DGKH: variants seen among roughly 807,000 people sequenced by gnomAD.
DGKH encodes the protein diacylglycerol kinase eta.
Under a neutral mutation model 159.3 loss-of-function variants are expected in DGKH, and 90 were observed. That is an observed-to-expected ratio of 0.57 (90% CI 0.48 to 0.67). The LOEUF is 0.67. Ranked by LOEUF, DGKH falls within the 30% of genes least tolerant of loss-of-function variation. DGKH has a pLI of 0.00. For synonymous variants in DGKH, 536 were observed against 553.8 expected (o/e 0.97, Z 0.45); for missense variants, 1,181 against 1,506.1 (o/e 0.78, Z 3.57).
upstream of DGKH, chr13:42,043,796 A>G (rs940468788): frequency 6.6e-6 from 1 of 152,094 alleles, no homozygotes; most frequent in African/African-American, 2.4e-5. Context: ...GGATAACATA[A>G]GGGCATGTAC....
rs1956322921 is a variant in DGKH at position 42,166,665 on chromosome 13, C to A, written c.1109C>A (p.Pro370His). 3 of 1,592,856 alleles carry A rather than the reference C, an allele frequency of 1.9e-6. No homozygotes were observed. The highest frequency in any genetic ancestry group is 2.3e-5 in the East Asian group (1 of 43,972). ...GTGTTTGATTTAATGAATGGAGGTC[C>A]TCATTTAGGGTAACTGATTATTGAT... ...AQVFDLMNGG[P>H]HLGLRLFQKF... The change falls in exon 9 of 30, where the codon CCT (proline) becomes CAT (histidine). Residue 370 changes from proline (P) to histidine (H), a missense_variant. Around this residue, in one of 5 missense-constraint regions of DGKH, gnomAD observed 369 missense variants for 519.4 expected, o/e 0.71. Coordinates refer to ENST00000337343, the MANE Select transcript of DGKH (RefSeq NM_178009.5).
At chr13:42,070,758 C>G in intron 1 of DGKH, 2 of 1,584,164 alleles carry the variant, frequency 1.3e-6, no homozygotes, top group South Asian at 2.3e-5. Flanking sequence ...ACAAGTCTGT[C>G]TTCATGTACT....
At chr13:42,120,978 C>T (rs1955057514) in intron 1 of DGKH, among the ~76,000 whole-genome samples, 1 of 151,876 alleles carries the variant, frequency 6.6e-6, no homozygotes, top group Non-Finnish European at 1.5e-5. Flanking sequence ...CAACCCACAA[C>T]TAGATTTTGT....
intron 1 of DGKH, among the ~76,000 whole-genome samples, chr13:42,126,587 T>C (rs1360751590): frequency 6.6e-6 from 1 of 152,234 alleles, no homozygotes; most frequent in Non-Finnish European, 1.5e-5. Context: ...AACCAGAGCC[T>C]GGCCCAGGGC....
chr13:42,141,076 C>T (rs1319236194), intron 3 of DGKH, among the ~76,000 whole-genome samples: 4 of 115,486 alleles, frequency 3.5e-5, no homozygotes, highest in Non-Finnish European at 7.1e-5. Flanking sequence ...CAACAGGCCC[C>T]AGTGCGTGAT....
chr13:42,069,685 G>A, intron 1 of DGKH: 3 of 1,183,504 alleles, frequency 2.5e-6, no homozygotes, highest in South Asian at 2.9e-5. Context: ...AATAAGCTTG[G>A]GTTCATAGTA....
intron 1 of DGKH, among the ~76,000 whole-genome samples, chr13:42,057,209 A>C: frequency 6.6e-6 from 1 of 152,176 alleles, no homozygotes; most frequent in East Asian, 1.9e-4. Context: ...TTGAAAGGTC[A>C]TGGTATAGTG....
At chr13:42,171,892 C>G (rs374630836) in intron 11 of DGKH, among the ~76,000 whole-genome samples, 2 of 141,536 alleles carry the variant, frequency 1.4e-5, no homozygotes, top group African/African-American at 2.6e-5. Context: ...TGCAGTGGTG[C>G]GATCTTGCCT....
chr13:42,227,562 A>G (rs1958166087), intron 29 of DGKH, among the ~76,000 whole-genome samples: 1 of 152,242 alleles, frequency 6.6e-6, no homozygotes, highest in Non-Finnish European at 1.5e-5. Flanking sequence ...GCATCGGTAT[A>G]TTCCTCTAGG....
At chr13:42,080,821 T>TA (rs1181369384) in intron 1 of DGKH, among the ~76,000 whole-genome samples, 1 of 152,306 alleles carries the variant, frequency 6.6e-6, no homozygotes, top group Admixed American at 6.5e-5. Flanking sequence ...TCTCATTATT[T>TA]ATCCGAGTTT....
At chr13:42,067,990 A>G (rs1314105652) in intron 1 of DGKH, among the ~76,000 whole-genome samples, 1 of 152,148 alleles carries the variant, frequency 6.6e-6, no homozygotes, top group Non-Finnish European at 1.5e-5. Flanking sequence ...TTTTTAAAAA[A>G]ATAAACACAA....
chr13:42,222,272 A>G (rs1957996274), intron 29 of DGKH, among the ~76,000 whole-genome samples: 1 of 152,222 alleles, frequency 6.6e-6, no homozygotes, highest in Non-Finnish European at 1.5e-5. Context: ...CCAAGTTCTA[A>G]AATGCATTAA....
upstream of DGKH, chr13:42,044,140 G>A (rs1880673083): frequency 6.6e-6 from 1 of 152,288 alleles, no homozygotes; most frequent in Non-Finnish European, 1.5e-5. Context: ...TTACTGGCAT[G>A]AGCCACTGCA....
At chr13:42,109,416 C>T (rs968703273) in intron 1 of DGKH, among the ~76,000 whole-genome samples, 1 of 152,182 alleles carries the variant, frequency 6.6e-6, no homozygotes, top group African/African-American at 2.4e-5. Flanking sequence ...TACCTCTGCA[C>T]CTCTGTGCAT....
chr13:42,194,794 A>T, intron 16 of DGKH, 91 bp from the exon 17 acceptor site: 1 of 1,400,560 alleles, frequency 7.1e-7, no homozygotes, highest in Non-Finnish European at 9.6e-7. Flanking sequence ...TGATTGATTT[A>T]AACATTATTT....
At chr13:42,078,087 T>G (rs1188026146) in intron 1 of DGKH, among the ~76,000 whole-genome samples, 1 of 152,208 alleles carries the variant, frequency 6.6e-6, no homozygotes, top group East Asian at 1.9e-4. Context: ...GGAACTAAAA[T>G]TACTCTGTTC....
intron 1 of DGKH, among the ~76,000 whole-genome samples, chr13:42,063,326 G>A (rs1882318350): frequency 6.6e-6 from 1 of 152,152 alleles, no homozygotes; most frequent in South Asian, 2.1e-4. Flanking sequence ...CATTCCAGCT[G>A]GTGGGAAGGG....
intron 3 of DGKH, among the ~76,000 whole-genome samples, chr13:42,141,927 T>C (rs1439022852): frequency 6.6e-6 from 1 of 151,378 alleles, no homozygotes; most frequent in Non-Finnish European, 1.5e-5. Flanking sequence ...ATTTTGGCTT[T>C]TGTTGCCATT....
At chr13:42,067,758 A>G (rs1251546510) in intron 1 of DGKH, among the ~76,000 whole-genome samples, 3 of 151,988 alleles carry the variant, frequency 2.0e-5, no homozygotes, top group Non-Finnish European at 4.4e-5. Flanking sequence ...TTCAAACAGG[A>G]TAACCAAAGA....
Sources: gnomAD v4.1 joint callset for allele counts (sites outside exome capture counted in the v4.1 genomes callset) on GRCh38, gnomAD v4.1.1 for gene constraint, gnomAD v4.1.1 regional missense constraint, MANE v1.5 for transcripts, NCBI Gene and HGNC (gene_info 2026-07-23, HGNC 2026-07-21) for gene names.